The following BOLL variants were observed in gnomAD, a reference collection of about 807,000 sequenced individuals.
BOLL encodes protein boule-like.
Under a neutral mutation model 44.4 loss-of-function variants are expected in BOLL, and 23 were observed. That is an observed-to-expected ratio of 0.52 (90% CI 0.37 to 0.73). The LOEUF (loss-of-function observed/expected upper bound fraction) is 0.73. Ranked by LOEUF, BOLL falls within the 30% of genes least tolerant of loss-of-function variation. The pLI is 0.00. For synonymous variants in BOLL, 97 were observed against 110.8 expected (o/e 0.88, Z 0.78); for missense variants, 287 against 338.3 (o/e 0.85, Z 1.19).
intron 6 of BOLL, 57 bp from the exon 7 acceptor site, chr2:197,766,660 A>G: frequency 7.9e-7 from 1 of 1,263,648 alleles, no homozygotes; most frequent in South Asian, 1.3e-5. Flanking sequence ...AGCTCACAAT[A>G]AAATTTATCT....
Position 197,777,057 on chromosome 2 carries a change from AC to A in BOLL, c.276+1del, listed in dbSNP as rs1182450681. On this transcript the variant is annotated splice_donor_variant, in intron 4 of 10. Transcript: ENST00000392296. LOFTEE classifies it high-confidence loss of function. The stretch of plus-strand genomic sequence containing the variant: ...GAAGTTAAATACACCAAAAGATCAT[AC>A]CTCTTGTAAAATTTTTTGTGCATCT... 6.4e-7 allele frequency: 1 copy of A among 1,570,474 alleles called. No homozygotes were observed. The highest frequency in any genetic ancestry group is 8.7e-7 in the Non-Finnish European group (1 of 1,150,248).
intron 5 of BOLL, 79 bp downstream of exon 5, chr2:197,775,586 A>C: frequency 1.1e-6 from 1 of 933,376 alleles, no homozygotes; most frequent in Non-Finnish European, 1.6e-6. Context: ...ATCTTTTAAT[A>C]AAGTTCTATA....
At chr2:197,773,329 C>A (rs183766983) in intron 5 of BOLL, among the ~76,000 whole-genome samples, 127 of 151,616 alleles carry the variant, frequency 8.4e-4, no homozygotes, top group African/African-American at 2.9e-3. Context: ...ATTTTCAGTG[C>A]ATACTATTTC....
chr2:197,781,371 T>A (rs936666363), intron 2 of BOLL, among the ~76,000 whole-genome samples: 15 of 150,356 alleles, frequency 1.0e-4, no homozygotes, highest in African/African-American at 3.6e-4. Context: ...ATTATAATAA[T>A]CAATTATTTT....
intron 7 of BOLL, 70 bp from the exon 8 acceptor site, chr2:197,757,470 G>C: frequency 1.4e-6 from 2 of 1,380,710 alleles, no homozygotes; most frequent in Non-Finnish European, 2.0e-6. Context: ...GATATCTACA[G>C]GCAAAAATAT....
At chr2:197,786,147 A>G, upstream of BOLL, 1 of 1,277,998 alleles carries the variant, frequency 7.8e-7, no homozygotes. This position sits in a 1 kb window ranked among gnomAD's most constrained non-coding sequence, Gnocchi z 5.9. Flanking sequence ...AGCTGCAGGG[A>G]AGCAGGCTCG....
intron 5 of BOLL, among the ~76,000 whole-genome samples, chr2:197,772,244 A>T (rs1689300865): frequency 6.6e-6 from 1 of 152,082 alleles, no homozygotes; most frequent in Non-Finnish European, 1.5e-5. Flanking sequence ...CCAAAAATGT[A>T]TCAATTCAGA....
At chr2:197,742,141 G>A (rs75691287) in intron 10 of BOLL, among the ~76,000 whole-genome samples, 1,774 of 152,242 alleles carry the variant, frequency 0.012, 25 homozygotes, top group Middle Eastern at 0.031. Context: ...TTAGAATGGC[G>A]ATCATTAAAA....
intron 10 of BOLL, among the ~76,000 whole-genome samples, chr2:197,730,289 G>T (rs1257139221): frequency 2.3e-5 from 3 of 130,340 alleles, no homozygotes; most frequent in Non-Finnish European, 4.9e-5. Context: ...AATGAGCAAA[G>T]CCTCCAAGAA....
chr2:197,764,451 C>T (rs1433371437), intron 7 of BOLL, among the ~76,000 whole-genome samples: 2 of 152,174 alleles, frequency 1.3e-5, no homozygotes, highest in African/African-American at 2.4e-5. Flanking sequence ...AGTTAAACAA[C>T]ACATGTTCTC....
Position 197,781,823 on chromosome 2 carries a change from G to A in BOLL, c.28C>T (p.Pro10Ser), listed in dbSNP as rs754347465. 1 of 1,605,382 alleles carries A rather than the reference G, an allele frequency of 6.2e-7. No homozygotes were observed. The highest frequency in any genetic ancestry group is 8.5e-7 in the Non-Finnish European group (1 of 1,174,056). The change falls in exon 2 of 11, where the codon CCT becomes TCT. Residue 10 changes from proline (P) to serine (S), a missense_variant. Coordinates refer to ENST00000392296, the MANE Select transcript of BOLL (RefSeq NM_033030.6). MQTDSLSPSPNPVSPVPLNN... is the reference protein window; with the variant it reads MQTDSLSPSSNPVSPVPLNN... ...AAAGGCACAGGTGACACAGGATTAG[G>A]GGATGGAGATAATGAATCTGTTTGC...
intron 3 of BOLL, among the ~76,000 whole-genome samples, 197 bp from the exon 4 acceptor site, chr2:197,777,310 GA>G (rs985107529): frequency 2.9e-4 from 44 of 151,318 alleles, no homozygotes; most frequent in African/African-American, 1.0e-3. Context: ...GGAACTAAAA[GA>G]AAAAAAACCC....
chr2:197,772,714 G>T (rs890153124), intron 5 of BOLL, among the ~76,000 whole-genome samples: 6 of 151,572 alleles, frequency 4.0e-5, no homozygotes, highest in Admixed American at 6.6e-5. Flanking sequence ...AATATACATA[G>T]ATATATATAT....
chr2:197,771,930 T>C lies in BOLL; in HGVS notation c.405A>G (p.Gly135=). Residue 135 remains glycine (G), a synonymous_variant, in exon 6 of 11, where the codon GGA becomes GGG. Coordinates refer to ENST00000392296, the MANE Select transcript of BOLL (RefSeq NM_033030.6). ...CACCATTATGGTAAGTATAAGGATA[T>C]CCAGTTGAAGTTGTTAGATACATTG... ...AGTMYLTTST[G]YPYTYHNGVA... is the part of the protein sequence containing the mutation. 2 of 1,596,890 alleles carry C rather than the reference T, an allele frequency of 1.3e-6. No individual in the cohort carries two copies. The highest frequency in any genetic ancestry group is 2.3e-5 in the South Asian group (2 of 88,446).
Position 197,785,015 on chromosome 2 carries a change from T to C in BOLL, c.-16+41A>G, listed in dbSNP as rs1233797962. ...TGAGAATCAACCTCGAGATCTAGCA[T>C]CTATTTTGCAAACGAAGACAGCAGG... On this transcript the variant is annotated intron_variant, in intron 1 of 10. Coordinates refer to ENST00000392296, the MANE Select transcript of BOLL (RefSeq NM_033030.6). The surrounding 1 kb of genome is among the most constrained non-coding windows in gnomAD (Gnocchi z 6.7). 8 of 985,858 alleles carry C rather than the reference T, an allele frequency of 8.1e-6. No homozygotes were observed. The East Asian group carries it at 8.9e-4, about 110-fold the overall frequency. The allele number at this position is 985,858 out of a possible 1,614,324, so 61.1% of individuals were successfully genotyped here.
At chr2:197,764,074 T>C (rs1033903865) in intron 7 of BOLL, among the ~76,000 whole-genome samples, 29 of 152,314 alleles carry the variant, frequency 1.9e-4, no homozygotes, top group Middle Eastern at 3.4e-3. Context: ...AGGGAACTCT[T>C]ATACACTGTT....
chr2:197,774,710 T>C (rs745777905), intron 5 of BOLL: 4 of 151,916 alleles, frequency 2.6e-5, no homozygotes, highest in Non-Finnish European at 2.9e-5. Context: ...ATTGAAAATA[T>C]TCAGCATTCT....
chr2:197,757,597 A>G (rs1239723977), intron 7 of BOLL, among the ~76,000 whole-genome samples, 197 bp from the exon 8 acceptor site: 2 of 152,166 alleles, frequency 1.3e-5, no homozygotes, highest in African/African-American at 4.8e-5. Flanking sequence ...TTAGAAAAAA[A>G]CATAGGTGTA....
At position 197,731,240 on chromosome 2, in the gene BOLL, G is replaced by A. The variant is rs993586234; in HGVS notation, c.829-2662C>T. On this transcript the variant is annotated intron_variant, in intron 10 of 10. Coordinates refer to ENST00000392296, the MANE Select transcript of BOLL (RefSeq NM_033030.6). ...GAAGGCCATTACATAATGGTAAAGG[G>A]ATCAGTTCAACAAGAAGAGCTAACT... 5.8e-3 allele frequency among the ~76,000 whole-genome samples: 875 copies of A among 151,772 alleles called. 15 individuals carry two copies. The highest frequency in any genetic ancestry group is 0.02 in the African/African-American group (816 of 41,254).
Sources: allele counts gnomAD v4.1 joint callset (sites outside exome capture counted in the v4.1 genomes callset), GRCh38; gene constraint gnomAD v4.1.1; non-coding constraint Gnocchi (gnomAD v3.1); transcripts MANE v1.5; gene names NCBI Gene and HGNC (gene_info 2026-07-23, HGNC 2026-07-21).